ADAMTS13: variants seen among roughly 807,000 people sequenced by gnomAD.
ADAMTS13 encodes A disintegrin and metalloproteinase with thrombospondin motifs 13.
Under a neutral mutation model 155.1 loss-of-function variants are expected in ADAMTS13, and 110 were observed. The observed-to-expected ratio is 0.71, with a 90% confidence interval of 0.61 to 0.83. The LOEUF is 0.83. Among genes scored for constraint, ADAMTS13 ranks in the 40% least tolerant of loss-of-function variants. The probability of loss-of-function intolerance (pLI) is 0.00; values close to 1 mark genes in which losing one functional copy is unlikely to be tolerated. For synonymous variants in ADAMTS13, 758 were observed against 756.4 expected (o/e 1.00, Z -0.03); for missense variants, 1,707 against 1,891.7 (o/e 0.90, Z 1.81).
chr9:133,444,784 C>T, intron 19 of ADAMTS13, 79 bp from the exon 20 acceptor site: 1 of 1,473,220 alleles, frequency 6.8e-7, no homozygotes, highest in Non-Finnish European at 9.3e-7. Flanking sequence ...TCCCCTTCCT[C>T]CCTGCCCCTA....
Position 133,424,543 on chromosome 9 carries a change from C to T in ADAMTS13, c.330+65C>T. On this transcript the variant is annotated intron_variant, in intron 3 of 28. Coordinates refer to ENST00000355699, the MANE Select transcript of ADAMTS13 (RefSeq NM_139027.6). This position sits in a 1 kb window ranked among gnomAD's most constrained non-coding sequence, Gnocchi z 4.3. ...AGGGCTGGTGACCAATGTCTGTGGG[C>T]TGGTGTATCTGGTAGTCTGAATACA... 6.4e-7 allele frequency: 1 copy of T among 1,561,266 alleles called. No individual in the cohort carries two copies. The highest frequency in any genetic ancestry group is 1.2e-5 in the South Asian group (1 of 85,720).
At chr9:133,455,545 C>G in intron 25 of ADAMTS13, 110 bp downstream of exon 25, 1 of 1,610,142 alleles carries the variant, frequency 6.2e-7, no homozygotes, top group Non-Finnish European at 8.5e-7. Context: ...TGCTCTTCTC[C>G]CCGGCTCCCC....
At chr9:133,426,088 G>A in intron 5 of ADAMTS13, 26 bp downstream of exon 5, 3 of 1,613,924 alleles carry the variant, frequency 1.9e-6, no homozygotes, top group Non-Finnish European at 2.5e-6. Context: ...GATGGGTGCT[G>A]GCCAGCCAGC....
At chr9:133,428,846 C>T in intron 7 of ADAMTS13, 75 bp downstream of exon 7, 1 of 1,194,124 alleles carries the variant, frequency 8.4e-7, no homozygotes, top group Non-Finnish European at 1.0e-6. Flanking sequence ...CCTCTCTCTA[C>T]GTCCGTCCCC....
At chr9:133,453,201 C>T (rs1189279676) in intron 23 of ADAMTS13, among the ~76,000 whole-genome samples, 2 of 152,112 alleles carry the variant, frequency 1.3e-5, no homozygotes, top group Non-Finnish European at 2.9e-5. Context: ...CTTTGGGAGG[C>T]GAAGGCGGGC....
rs1013850487 is a variant in ADAMTS13 at position 133,445,113 on chromosome 9, C to T, written c.2610+61C>T. ...TGAGTCCTTTACCTGGCTGGGAGAA[C>T]GAGGAGCACCCATTGCCACCGTCCT... On this transcript the variant is annotated intron_variant, in intron 20 of 28. Transcript: ENST00000355699. The surrounding 1 kb of genome is among the most constrained non-coding windows in gnomAD (Gnocchi z 5.0). 51 of 1,556,378 alleles carry T rather than the reference C, an allele frequency of 3.3e-5. No individual in the cohort carries two copies. The highest frequency in any genetic ancestry group is 4.2e-5 in the Non-Finnish European group (48 of 1,149,924).
rs782197792 is a variant in ADAMTS13, at chr9:133,456,567, G to A, written c.3572G>A (p.Arg1191Gln). Residue 1191 changes from arginine to glutamine, a missense_variant, in exon 27 of 29, where the codon CGG becomes CAG. Around this residue, in one of 3 missense-constraint regions of ADAMTS13, gnomAD observed 961 missense variants for 1,107.9 expected, o/e 0.87. Transcript: ENST00000355699. This position sits in a 1 kb window ranked among gnomAD's most constrained non-coding sequence, Gnocchi z 4.4. ...GGGGACATGTTGCTGCTTTGGGGCC[G>A]GCTCACCTGGAGGAAGATGTGCAGG... Reference protein sequence around the residue: ...SAGDMLLLWGRLTWRKMCRKL... With the variant: ...SAGDMLLLWGQLTWRKMCRKL... The A allele has an allele frequency of 1.5e-5, 24 of 1,613,396 alleles. No homozygotes were observed. The highest frequency in any genetic ancestry group is 3.3e-5 in the South Asian group (3 of 90,958).
chr9:133,458,549 CTG>C (rs1554796880), intron 28 of ADAMTS13, among the ~76,000 whole-genome samples: 1 of 12,834 alleles, frequency 7.8e-5, no homozygotes, highest in Non-Finnish European at 2.4e-4. Flanking sequence ...GAGTGAGACT[CTG>C]TCTCAAAAAA....
intron 7 of ADAMTS13, among the ~76,000 whole-genome samples, chr9:133,429,337 A>G (rs1263280667): frequency 1.7e-5 from 1 of 57,302 alleles, no homozygotes. Context: ...CTTTCGTTCC[A>G]GCCAATCTGG....
chr9:133,418,210 T>C, upstream of ADAMTS13: 1 of 310,664 alleles, frequency 3.2e-6, no homozygotes, highest in Non-Finnish European at 6.0e-6. Context: ...AGATCCGGGA[T>C]GGGGATGAGA....
chr9:133,437,026 G>A, intron 12 of ADAMTS13, 71 bp downstream of exon 12: 5 of 1,530,930 alleles, frequency 3.3e-6, no homozygotes, highest in Non-Finnish European at 4.4e-6. Context: ...CAGAGTCATA[G>A]GGGGGTTGGC....
At chr9:133,458,682 C>G (rs1404339500) in intron 28 of ADAMTS13, among the ~76,000 whole-genome samples, 1 of 151,882 alleles carries the variant, frequency 6.6e-6, no homozygotes, top group African/African-American at 2.4e-5. Context: ...GAATAGCACC[C>G]TGCACCCTCC....
At chr9:133,415,726 A>C (rs142659395) in intron 1 of ADAMTS13, 137 of 152,332 alleles carry the variant, frequency 9.0e-4, no homozygotes, top group African/African-American at 3.2e-3. Context: ...AACACTCCAA[A>C]GTTTCCCTAT....
At chr9:133,433,727 G>A in intron 11 of ADAMTS13, 23 bp downstream of exon 11, 2 of 1,611,278 alleles carry the variant, frequency 1.2e-6, no homozygotes, top group Non-Finnish European at 1.7e-6. Flanking sequence ...CCTGGGGTAG[G>A]AGGGGGCAGC....
rs1332692765 is a variant in ADAMTS13, at chr9:133,425,013, C to G, written c.331-516C>G. On this transcript the variant is annotated intron_variant, in intron 3 of 28. Transcript: ENST00000355699. The surrounding 1 kb of genome is among the most constrained non-coding windows in gnomAD (Gnocchi z 4.6). The stretch of plus-strand genomic sequence containing the variant: ...AAGGGCGGGCAGGGAAGCACTCCCC[C>G]ACTAGCCGCCGTCTCAGAAAGACAA... Among the ~76,000 whole-genome samples the G allele has an allele frequency of 2.0e-5, 3 of 152,138 alleles. No homozygotes were observed. Among genetic ancestry groups the G allele is most frequent in the Admixed American group, 6.6e-5 (1 of 15,214 alleles).
Position 133,439,377 on chromosome 9 carries a change from T to C in ADAMTS13, c.1717T>C (p.Phe573Leu). The change falls in exon 15 of 29, where the codon TTT becomes CTT. Residue 573 changes from phenylalanine to leucine, a missense_variant. Phe to Leu is a conservative substitution (Grantham distance 22). Around this residue, in one of 3 missense-constraint regions of ADAMTS13, gnomAD observed 961 missense variants for 1,107.9 expected, o/e 0.87. Transcript: ENST00000355699. ...TTTCTTCTTTCTAGAATATGTCACGTTTCTGACAGTTACCCCCAACCTGAC... is the reference window on the plus strand; with the variant it reads ...TTTCTTCTTTCTAGAATATGTCACGCTTCTGACAGTTACCCCCAACCTGAC... ...TAGRAREYVTFLTVTPNLTSV... is the reference protein window; with the variant it reads ...TAGRAREYVTLLTVTPNLTSV... The C allele has an allele frequency of 1.2e-6, 2 of 1,612,724 alleles. No homozygotes were observed. The highest frequency in any genetic ancestry group is 1.7e-6 in the Non-Finnish European group (2 of 1,178,732).
chr9:133,420,537 C>A (rs1305702735), upstream of ADAMTS13, among the ~76,000 whole-genome samples: 1 of 152,218 alleles, frequency 6.6e-6, no homozygotes, highest in Non-Finnish European at 1.5e-5. Flanking sequence ...GAGGAAGGCA[C>A]ACTTGCTTAG....
Position 133,440,598 on chromosome 9 carries a change from A to C in ADAMTS13, c.1968+73A>C. On this transcript the variant is annotated intron_variant, in intron 16 of 28. Coordinates refer to ENST00000355699, the MANE Select transcript of ADAMTS13 (RefSeq NM_139027.6). This position sits in a 1 kb window ranked among gnomAD's most constrained non-coding sequence, Gnocchi z 4.3. The stretch of plus-strand genomic sequence containing the variant: ...GCTATGGCTGCTTGCTCGTTTGTCT[A>C]TCCATCCATTCCCTGATTCGTTCAT... 6.9e-7 allele frequency: 1 copy of C among 1,451,204 alleles called. No homozygotes were observed. The highest frequency in any genetic ancestry group is 2.5e-5 in the East Asian group (1 of 40,328). The allele number at this position is 1,451,204 out of a possible 1,614,324, so 89.9% of individuals were successfully genotyped here. A position where few individuals can be genotyped will look rare whatever the true frequency, so the allele number is the denominator to read the frequency against.
rs1554785821 is a variant in ADAMTS13, at chr9:133,428,585, C to T, written c.687-49C>T. The T allele has an allele frequency of 5.5e-6, 4 of 727,790 alleles. No homozygotes were observed. The South Asian group carries it at 2.1e-4, about 39-fold the overall frequency. 45.1% of individuals were successfully genotyped at this position (727,790 alleles called of 1,614,324 possible). ...GACCCCCGTCCCGCCCCCACCCCCG[C>T]CCCCGCCCCTGCCGGCCGCCTTAGC... On this transcript the variant is annotated intron_variant, in intron 6 of 28. Coordinates refer to ENST00000355699, the MANE Select transcript of ADAMTS13 (RefSeq NM_139027.6).
Sources: gnomAD v4.1 joint callset for allele counts (sites outside exome capture counted in the v4.1 genomes callset) on GRCh38, gnomAD v4.1.1 for gene constraint, gnomAD v4.1.1 regional missense constraint, Gnocchi (gnomAD v3.1) non-coding constraint, MANE v1.5 for transcripts, NCBI Gene and HGNC (gene_info 2026-07-23, HGNC 2026-07-21) for gene names.